The following FN3KRP variants were observed in gnomAD, a reference collection of about 807,000 sequenced individuals.
FN3KRP encodes the protein ketosamine-3-kinase.
In FN3KRP, 33 loss-of-function variants were observed where a neutral mutation model predicts 29.8. The observed-to-expected ratio is 1.11, with a 90% CI of 0.84 to 1.48. The LOEUF (loss-of-function observed/expected upper bound fraction) is 1.48, where lower values mean the gene tolerates loss of function less well. FN3KRP is among the 40% of genes most tolerant of loss of function. FN3KRP has a pLI of 0.00. For synonymous variants in FN3KRP, 157 were observed against 155.2 expected (o/e 1.01, Z -0.09); for missense variants, 430 against 402.6 (o/e 1.07, Z -0.58).
At chr17:82,719,592 C>A (rs1214425015) in intron 2 of FN3KRP, among the ~76,000 whole-genome samples, 1 of 151,992 alleles carries the variant, frequency 6.6e-6, no homozygotes, top group Non-Finnish European at 1.5e-5. Context: ...CCATGTCTAC[C>A]AAAAATCCAA....
chr17:82,726,841 C>G lies in FN3KRP; in HGVS notation c.600C>G (p.Ile200Met), dbSNP rs371279348. The change falls in exon 6 of 6, where the codon ATC (isoleucine) becomes ATG (methionine). Residue 200 changes from isoleucine to methionine, a missense_variant. Transcript: ENST00000269373. ...LQLWSALQLK[I>M]PDLFRDLEII... ...CATTTTCCTCCCTGCAGTTAAAGAT[C>G]CCTGACCTGTTCCGTGACCTGGAGA... The G allele has an allele frequency of 1.9e-6, 3 of 1,540,236 alleles. No individual in the cohort carries two copies. Among genetic ancestry groups the G allele is most frequent in the Non-Finnish European group, 2.6e-6 (3 of 1,146,006 alleles).
intron 1 of FN3KRP, among the ~76,000 whole-genome samples, chr17:82,717,930 A>G (rs2046769843): frequency 6.6e-6 from 1 of 151,514 alleles, no homozygotes; most frequent in African/African-American, 2.4e-5. Context: ...GTGTGTATGT[A>G]TTGTGTGTCT....
Position 82,727,075 on chromosome 17 carries a change from G to T in FN3KRP, c.834G>T (p.Gln278His). The change falls in exon 6 of 6, where the codon CAG (glutamine) becomes CAT (histidine). Residue 278 changes from glutamine to histidine, a missense_variant. By Grantham distance (24) the Gln-to-His change is conservative. Coordinates refer to ENST00000269373, the MANE Select transcript of FN3KRP (RefSeq NM_024619.4). The part of the protein sequence containing the change: ...PKAPGFEKRL[Q>H]LYQLFHYLNH... The stretch of plus-strand genomic sequence containing the variant: ...CCCCAGGATTCGAGAAGCGCCTTCA[G>T]TTGTATCAGCTCTTTCACTACTTGA... 3.1e-6 allele frequency: 5 copies of T among 1,614,148 alleles called. No individual in the cohort carries two copies. Among genetic ancestry groups the T allele is most frequent in the Non-Finnish European group, 4.2e-6 (5 of 1,180,044 alleles).
chr17:82,716,985 C>T (rs1345102247), intron 1 of FN3KRP, 89 bp downstream of exon 1: 1 of 1,456,472 alleles, frequency 6.9e-7, no homozygotes, highest in Non-Finnish European at 9.1e-7. Context: ...TGGGCTTCTC[C>T]CGCCGGAGGC....
intron 4 of FN3KRP, among the ~76,000 whole-genome samples, chr17:82,725,727 G>T (rs2046832119): frequency 6.6e-6 from 1 of 152,136 alleles, no homozygotes; most frequent in Admixed American, 6.5e-5. Flanking sequence ...TATTCTACAG[G>T]CATATTTACA....
intron 4 of FN3KRP, 91 bp from the exon 5 acceptor site, chr17:82,726,389 C>T: frequency 2.0e-6 from 3 of 1,515,268 alleles, no homozygotes; most frequent in Non-Finnish European, 2.7e-6. Flanking sequence ...GCTCCTGCAG[C>T]CCTCTCCACT....
In FN3KRP at chr17:82,720,318, A is replaced by G. The variant is rs2046789660; in HGVS notation, c.340A>G (p.Asn114Asp). The G allele has an allele frequency of 2.5e-6, 4 of 1,614,078 alleles. No homozygotes were observed. The highest frequency in any genetic ancestry group is 3.4e-6 in the Non-Finnish European group (4 of 1,180,014). The stretch of plus-strand genomic sequence containing the variant: ...CCAGCTGGCCGATTTACACCTTGAT[A>G]ACAAGAAGCTTGGAGAGATGCGCCT... ...GAQLADLHLD[N>D]KKLGEMRLKE... is the part of the protein sequence containing the mutation. The change falls in exon 3 of 6, where the codon AAC becomes GAC. Residue 114 changes from asparagine (N) to aspartate (D), a missense_variant. By Grantham distance (23) the Asn-to-Asp change is conservative. Coordinates refer to ENST00000269373, the MANE Select transcript of FN3KRP (RefSeq NM_024619.4).
At chr17:82,719,312 A>T (rs2046782287) in intron 2 of FN3KRP, among the ~76,000 whole-genome samples, 1 of 152,226 alleles carries the variant, frequency 6.6e-6, no homozygotes, top group Admixed American at 6.5e-5. Flanking sequence ...CTGATGACTG[A>T]AGCTTGTACT....
chr17:82,722,129 C>T (rs972957956), intron 3 of FN3KRP, among the ~76,000 whole-genome samples: 5 of 147,714 alleles, frequency 3.4e-5, no homozygotes, highest in East Asian at 4.1e-4. Context: ...CCACTGTGCC[C>T]GGCCATTTTT....
At chr17:82,720,839 A>G (rs144785945) in intron 3 of FN3KRP, 1,797 of 154,060 alleles carry the variant, frequency 0.012, 98 homozygotes, top group Admixed American at 0.097. Flanking sequence ...TGCAGCCCAC[A>G]TGGTAAATGT....
chr17:82,720,438 C>A, intron 3 of FN3KRP, 75 bp downstream of exon 3: 1 of 1,232,540 alleles, frequency 8.1e-7, no homozygotes, highest in Non-Finnish European at 1.2e-6. Context: ...AGAGCGGGGG[C>A]CGTGCAGCAG....
At chr17:82,720,152 C>T (rs760824115) in intron 2 of FN3KRP, 120 bp from the exon 3 acceptor site, 162 of 678,084 alleles carry the variant, frequency 2.4e-4, no homozygotes, top group Non-Finnish European at 2.5e-4. Context: ...GGTGACAGAG[C>T]GAGACTCCAT....
At chr17:82,722,378 G>A (rs1430065147) in intron 3 of FN3KRP, among the ~76,000 whole-genome samples, 1 of 152,158 alleles carries the variant, frequency 6.6e-6, no homozygotes, top group South Asian at 2.1e-4. Flanking sequence ...CCGGTGATCC[G>A]CCCACCTCAG....
At chr17:82,720,203 G>T in intron 2 of FN3KRP, 69 bp from the exon 3 acceptor site, 1 of 1,293,032 alleles carries the variant, frequency 7.7e-7, no homozygotes. Context: ...TATGTGCCCT[G>T]AGACTGAGCA....
intron 3 of FN3KRP, 152 bp downstream of exon 3, chr17:82,720,515 G>A (rs748025532): frequency 5.0e-6 from 3 of 600,618 alleles, no homozygotes; most frequent in African/African-American, 1.9e-5. Flanking sequence ...CGCATCTCAC[G>A]GTGCACTGAA....
intron 4 of FN3KRP, among the ~76,000 whole-genome samples, chr17:82,725,534 C>G (rs1025107775): frequency 6.6e-6 from 1 of 152,044 alleles, no homozygotes; most frequent in Non-Finnish European, 1.5e-5. Flanking sequence ...ACTGCAACCT[C>G]CAGCTTCCGG....
intron 1 of FN3KRP, among the ~76,000 whole-genome samples, chr17:82,717,205 A>T (rs2249988): frequency 0.99 from 150,308 of 152,120 alleles, 74,285 homozygotes; most frequent in South Asian, 1. Flanking sequence ...ATGGGGCGGG[A>T]CTGGCTGCTG....
chr17:82,727,054 A>G lies in FN3KRP; in HGVS notation c.813A>G (p.Pro271=), dbSNP rs776503443. Residue 271 remains proline (P), a synonymous_variant, in exon 6 of 6, where the codon CCA becomes CCG. Coordinates refer to ENST00000269373, the MANE Select transcript of FN3KRP (RefSeq NM_024619.4). ...ACCACGGCAAAATCCCCAAGGCCCC[A>G]GGATTCGAGAAGCGCCTTCAGTTGT... ...SAYHGKIPKA[P]GFEKRLQLYQ... 1.9e-6 allele frequency: 3 copies of G among 1,614,162 alleles called. No homozygotes were observed. Among genetic ancestry groups the G allele is most frequent in the Non-Finnish European group, 2.5e-6 (3 of 1,180,028 alleles).
At chr17:82,720,448 G>C (rs1188837962) in intron 3 of FN3KRP, 85 bp downstream of exon 3, 1 of 1,099,376 alleles carries the variant, frequency 9.1e-7, no homozygotes, top group Non-Finnish European at 1.3e-6. Context: ...CCGTGCAGCA[G>C]CCGTGGGAGG....
Sources: gnomAD v4.1 joint callset for allele counts (sites outside exome capture counted in the v4.1 genomes callset) on GRCh38, gnomAD v4.1.1 for gene constraint, MANE v1.5 for transcripts, NCBI Gene and HGNC (gene_info 2026-07-23, HGNC 2026-07-21) for gene names.